ACOT1: variants seen among roughly 807,000 people sequenced by gnomAD.
ACOT1 encodes the protein acyl-CoA thioesterase 1.
ACOT1 carries 8 observed loss-of-function variants against 15.7 expected under a neutral mutation model. The ratio of observed to expected loss-of-function variants is 0.51; its 90% CI spans 0.30 to 0.92. ACOT1 has a LOEUF of 0.92. ACOT1 is among the 40% of genes least tolerant of loss of function. ACOT1 has a pLI of 0.06. For synonymous variants in ACOT1, 67 were observed against 241.2 expected, an observed-to-expected ratio of 0.28 and a Z score of 6.69; for missense variants, 151 against 539.4, an observed-to-expected ratio of 0.28 and a Z score of 7.13.
chr14:73,508,191 C>G, the ACOT1 span: 1 of 1,614,104 alleles, frequency 6.2e-7, no homozygotes, highest in Admixed American at 1.7e-5. Flanking sequence ...TGTCCTCATT[C>G]TTCTTTGTAA....
chr14:73,491,016 C>A, the ACOT1 span: 2 of 1,493,036 alleles, frequency 1.3e-6, no homozygotes, highest in East Asian at 2.6e-5. Flanking sequence ...TGTGGTCTGG[C>A]CATGGATGGG....
chr14:73,536,516 T>TAAA (rs543491523), upstream of ACOT1, among the ~76,000 whole-genome samples: 746 of 59,306 alleles, frequency 0.013, 66 homozygotes, highest in African/African-American at 0.044. Context: ...CCTGTCTCTT[T>TAAA]AAAAAAAAAA....
chr14:73,522,325 GATGACACTTTGATCCTC>G, the ACOT1 span: 1 of 1,614,190 alleles, frequency 6.2e-7, no homozygotes, highest in Non-Finnish European at 8.5e-7. Flanking sequence ...GTGGGGGCAG[GATGACACTTTGATCCTC>G]AAACTCTGCT....
the ACOT1 span, among the ~76,000 whole-genome samples, chr14:73,498,687 A>G: frequency 6.6e-6 from 1 of 152,246 alleles, no homozygotes; most frequent in Admixed American, 6.5e-5. Flanking sequence ...AAAAGAAACT[A>G]GGCAGATTAA....
chr14:73,526,870 C>T, the ACOT1 span, among the ~76,000 whole-genome samples: 3 of 152,166 alleles, frequency 2.0e-5, no homozygotes, highest in Non-Finnish European at 4.4e-5. Flanking sequence ...ACCCAGTGCA[C>T]TGCCATCTGT....
chr14:73,515,294 T>G, the ACOT1 span, among the ~76,000 whole-genome samples: 1 of 152,170 alleles, frequency 6.6e-6, no homozygotes, highest in Admixed American at 6.5e-5. Flanking sequence ...TTCCAAGATT[T>G]CATTCTGACT....
At chr14:73,504,834 T>A in the ACOT1 span, among the ~76,000 whole-genome samples, 2 of 152,200 alleles carry the variant, frequency 1.3e-5, no homozygotes, top group Non-Finnish European at 2.9e-5. Context: ...AGCTCCCATT[T>A]GGACAGCTGA....
chr14:73,500,699 G>C, the ACOT1 span: 1 of 1,613,942 alleles, frequency 6.2e-7, no homozygotes, highest in African/African-American at 1.3e-5. Context: ...GCTTCCACAC[G>C]CTCCTGGGAA....
At chr14:73,518,818 T>C in the ACOT1 span, among the ~76,000 whole-genome samples, 15 of 152,230 alleles carry the variant, frequency 9.9e-5, no homozygotes, top group Non-Finnish European at 2.1e-4. Context: ...AGTGATTGTA[T>C]GTTCCTGTGA....
chr14:73,498,374 G>C, the ACOT1 span: 2 of 1,545,406 alleles, frequency 1.3e-6, no homozygotes, highest in Non-Finnish European at 1.8e-6. Flanking sequence ...GCATGTCACT[G>C]AAGACTGAGC....
chr14:73,512,237 C>T, the ACOT1 span: 9 of 1,452,044 alleles, frequency 6.2e-6, 1 homozygote, highest in South Asian at 9.9e-5. Flanking sequence ...GTCTGCCCTT[C>T]ACCCAGAATA....
upstream of ACOT1, among the ~76,000 whole-genome samples, chr14:73,536,706 T>C (rs2140309748): frequency 1.8e-5 from 2 of 112,934 alleles, 1 homozygote; most frequent in South Asian, 5.7e-4. Flanking sequence ...TAATAACTAT[T>C]ACCTCATTTG....
the ACOT1 span, among the ~76,000 whole-genome samples, chr14:73,496,306 G>A: frequency 6.6e-6 from 1 of 152,136 alleles, no homozygotes. Context: ...ACTTGGGTTT[G>A]GGGTTGATGG....
At chr14:73,524,310 A>AAAAAAAATATAT in the ACOT1 span, among the ~76,000 whole-genome samples, 5 of 54,776 alleles carry the variant, frequency 9.1e-5, no homozygotes, top group African/African-American at 2.6e-4. Flanking sequence ...AAAAAAAAAA[A>AAAAAAAATATAT]ATATATATAT....
At chr14:73,501,800 C>T in the ACOT1 span, among the ~76,000 whole-genome samples, 38 of 151,902 alleles carry the variant, frequency 2.5e-4, no homozygotes, top group African/African-American at 8.9e-4. Flanking sequence ...GTCGCCCAGG[C>T]TGGAGTACAG....
At chr14:73,503,172 G>A in the ACOT1 span, among the ~76,000 whole-genome samples, 2 of 152,130 alleles carry the variant, frequency 1.3e-5, no homozygotes, top group Non-Finnish European at 2.9e-5. Flanking sequence ...GAATCCAGTG[G>A]GGCAGATATT....
the ACOT1 span, chr14:73,490,966 C>A: frequency 1.5e-6 from 2 of 1,309,242 alleles, no homozygotes; most frequent in Non-Finnish European, 2.0e-6. Flanking sequence ...TCAGGAACCG[C>A]TTTAGCTTCG....
the ACOT1 span, among the ~76,000 whole-genome samples, chr14:73,493,705 G>A: frequency 4.6e-5 from 7 of 152,258 alleles, no homozygotes; most frequent in African/African-American, 7.2e-5. Flanking sequence ...AGGCATAGTG[G>A]TGCGTGCCTG....
the ACOT1 span, chr14:73,520,908 C>T: frequency 2.6e-5 from 42 of 1,613,872 alleles, no homozygotes; most frequent in African/African-American, 1.3e-4. Context: ...CTTTCCAGCT[C>T]GGGGAGTCAC....
Sources: gnomAD v4.1 joint callset for allele counts (sites outside exome capture counted in the v4.1 genomes callset) on GRCh38, gnomAD v4.1.1 for gene constraint, MANE v1.5 for transcripts, NCBI Gene and HGNC (gene_info 2026-07-23, HGNC 2026-07-21) for gene names.